The following RYR3 variants were observed in gnomAD, a reference collection of about 807,000 sequenced individuals.
RYR3 encodes ryanodine receptor 3.
In RYR3, 207 loss-of-function variants were observed where a neutral mutation model predicts 584.3. The observed-to-expected ratio is 0.35, with a 90% CI of 0.32 to 0.40. The LOEUF is 0.40. RYR3 is among the 10% of genes least tolerant of loss of function. The pLI is 1.00. For synonymous variants in RYR3, 2,416 were observed against 2,248.5 expected (o/e 1.07, Z -2.11); for missense variants, 5,616 against 6,089.2 (o/e 0.92, Z 2.59).
intron 3 of RYR3, among the ~76,000 whole-genome samples, chr15:33,504,777 T>C (rs1047004158): frequency 6.6e-6 from 1 of 152,164 alleles, no homozygotes; most frequent in Admixed American, 6.5e-5. Context: ...CGAATTCCTC[T>C]CTCTGCCTCA....
intron 39 of RYR3, among the ~76,000 whole-genome samples, chr15:33,697,219 C>T (rs759086809): frequency 7.9e-5 from 12 of 152,186 alleles, no homozygotes; most frequent in Non-Finnish European, 1.5e-4. Context: ...CCTTCAGGAT[C>T]CTTGGAGGGA....
At chr15:33,486,172 G>T (rs2050401648) in intron 2 of RYR3, among the ~76,000 whole-genome samples, 1 of 152,222 alleles carries the variant, frequency 6.6e-6, no homozygotes, top group South Asian at 2.1e-4. Flanking sequence ...TAGGGCTACT[G>T]TAACAAATTA....
In RYR3 at chr15:33,800,818, C is replaced by T. The variant is rs1374516169; in HGVS notation, c.9879C>T (p.Arg3293=). ...SPDADSDQLF[R]MVAEVFILWC... is the part of the protein sequence containing the mutation. ...ATGCTGATTCTGACCAGCTCTTCCG[C>T]ATGGTGGCAGAAGTCTTCATTCTGT... is the stretch of plus-strand genomic sequence containing the variant. Residue 3293 remains arginine, a synonymous_variant, in exon 68 of 104, where the codon CGC becomes CGT. Transcript: ENST00000634891. 6 of 1,613,774 alleles carry T rather than the reference C, an allele frequency of 3.7e-6. No homozygotes were observed. In the Middle Eastern group the frequency reaches 4.9e-4, roughly 133 times the overall value.
At chr15:33,776,091 G>A (rs1567148075) in intron 64 of RYR3, among the ~76,000 whole-genome samples, 1 of 152,136 alleles carries the variant, frequency 6.6e-6, no homozygotes, top group Admixed American at 6.5e-5. Context: ...ACCTTTTGCT[G>A]GCGTCTCCTT....
At chr15:33,479,970 A>G (rs909374573) in intron 2 of RYR3, among the ~76,000 whole-genome samples, 1 of 152,212 alleles carries the variant, frequency 6.6e-6, no homozygotes, top group Non-Finnish European at 1.5e-5. Flanking sequence ...ATAAATGAGA[A>G]TATCATGTAT....
intron 16 of RYR3, among the ~76,000 whole-genome samples, chr15:33,596,443 C>CT: frequency 6.8e-6 from 1 of 146,330 alleles, no homozygotes; most frequent in Non-Finnish European, 1.5e-5. Flanking sequence ...AAAATTATAA[C>CT]TGAGACACTG....
intron 99 of RYR3, chr15:33,858,119 C>A: frequency 1.5e-6 from 1 of 647,014 alleles, no homozygotes; most frequent in Non-Finnish European, 2.6e-6. Context: ...AGGTAGTTTT[C>A]ATTACCACAC....
Position 33,503,658 on chromosome 15 carries a change from A to T in RYR3, c.199A>T (p.Asn67Tyr). The T allele has an allele frequency of 6.2e-7, 1 of 1,612,478 alleles. No homozygotes were observed. Among genetic ancestry groups the T allele is most frequent in the Non-Finnish European group, 8.5e-7 (1 of 1,179,084 alleles). The part of the protein sequence containing the change: ...KYIPPDLCVC[N>Y]FVLEQSLSVR... The stretch of plus-strand genomic sequence containing the variant: ...CATTCCTCCAGATCTCTGCGTCTGC[A>T]ATTTTGTGCTGGAACAGTCCCTATC... Residue 67 changes from asparagine to tyrosine, a missense_variant, in exon 3 of 104, where the codon AAT (asparagine) becomes TAT (tyrosine). Coordinates refer to ENST00000634891, the MANE Select transcript of RYR3 (RefSeq NM_001036.6).
At chr15:33,863,831 G>A (rs1458087546) in intron 102 of RYR3, among the ~76,000 whole-genome samples, 10 of 152,116 alleles carry the variant, frequency 6.6e-5, no homozygotes, top group Admixed American at 6.5e-4. Context: ...CCATTTTATT[G>A]TTTTATTAGA....
intron 70 of RYR3, among the ~76,000 whole-genome samples, chr15:33,809,840 T>C (rs548523410): frequency 4.6e-5 from 7 of 152,258 alleles, no homozygotes; most frequent in African/African-American, 1.7e-4. Flanking sequence ...CTGAGTGAAC[T>C]CTCTCTGAAA....
chr15:33,830,288 A>G (rs1000896915), intron 85 of RYR3, among the ~76,000 whole-genome samples: 9 of 152,238 alleles, frequency 5.9e-5, no homozygotes, highest in Non-Finnish European at 1.3e-4. Flanking sequence ...TTTAGTCAGT[A>G]GCCATCAACA....
At chr15:33,382,982 T>G (rs1415171203) in intron 1 of RYR3, among the ~76,000 whole-genome samples, 1 of 152,052 alleles carries the variant, frequency 6.6e-6, no homozygotes, top group Admixed American at 6.6e-5. Context: ...AAATTCTTCA[T>G]ACCTAGAATG....
At chr15:33,438,697 CACAATATCTTTTTT>C (rs2045945770) in intron 1 of RYR3, among the ~76,000 whole-genome samples, 1 of 152,130 alleles carries the variant, frequency 6.6e-6, no homozygotes, top group Non-Finnish European at 1.5e-5. Context: ...ATATCTTTTC[CACAATATCTTTTTT>C]ATCTTTGAGC....
At chr15:33,813,032 A>G in intron 73 of RYR3, 38 bp downstream of exon 73, 1 of 1,612,602 alleles carries the variant, frequency 6.2e-7, no homozygotes, top group Non-Finnish European at 8.5e-7. Flanking sequence ...GGAAGCAGAA[A>G]CACCCTGGAC....
chr15:33,649,609 G>GAT (rs756222130), intron 31 of RYR3, among the ~76,000 whole-genome samples: 2 of 152,180 alleles, frequency 1.3e-5, no homozygotes, highest in Non-Finnish European at 2.9e-5. Flanking sequence ...GAAATAAAAA[G>GAT]ATATACCACA....
chr15:33,328,000 A>G (rs905746940), intron 1 of RYR3, among the ~76,000 whole-genome samples: 1 of 152,192 alleles, frequency 6.6e-6, no homozygotes, highest in Non-Finnish European at 1.5e-5. Context: ...CTTGTTTTCA[A>G]TAAAATTTCA....
chr15:33,320,339 T>G (rs1467299157), intron 1 of RYR3, among the ~76,000 whole-genome samples: 1 of 152,210 alleles, frequency 6.6e-6, no homozygotes. Context: ...TTGCTAGTCT[T>G]TAAAACACCC....
At chr15:33,859,240 CACTCTTAA>C (rs2080073546) in intron 99 of RYR3, 1 of 243,648 alleles carries the variant, frequency 4.1e-6, no homozygotes, top group Non-Finnish European at 7.9e-6. Context: ...GCCAGGCTAA[CACTCTTAA>C]AATTAAATGA....
At chr15:33,773,758 G>T (rs2073793679) in intron 64 of RYR3, 143 bp downstream of exon 64, 3 of 662,306 alleles carry the variant, frequency 4.5e-6, no homozygotes, top group Admixed American at 4.4e-5. Context: ...CCTTGTTTAT[G>T]ACATGCTTTT....
Sources: allele counts gnomAD v4.1 joint callset (sites outside exome capture counted in the v4.1 genomes callset), GRCh38; gene constraint gnomAD v4.1.1; transcripts MANE v1.5; gene names NCBI Gene and HGNC (gene_info 2026-07-23, HGNC 2026-07-21).